GLT1D1: variants seen among roughly 807,000 people sequenced by gnomAD.
GLT1D1 encodes glycosyltransferase 1 domain-containing protein 1.
A neutral mutation model predicts 28.7 loss-of-function variants in GLT1D1; 21 were observed. The observed-to-expected ratio is 0.73, with a 90% confidence interval of 0.52 to 1.05. GLT1D1 has a LOEUF of 1.05. Among genes scored for constraint, GLT1D1 ranks in the 50% least tolerant of loss-of-function variants. GLT1D1 has a pLI of 0.00. For synonymous variants in GLT1D1, 147 were observed against 124.8 expected (o/e 1.18, Z -1.19); for missense variants, 343 against 330.6 (o/e 1.04, Z -0.29).
intron 6 of GLT1D1, among the ~76,000 whole-genome samples, chr12:128,955,715 T>C (rs1434055558): frequency 2.6e-5 from 4 of 152,088 alleles, no homozygotes; most frequent in Admixed American, 2.6e-4. Flanking sequence ...TTACATCCTA[T>C]TTCCAGCTGG....
At chr12:128,931,852 C>T (rs765843602) in intron 4 of GLT1D1, among the ~76,000 whole-genome samples, 1 of 151,856 alleles carries the variant, frequency 6.6e-6, no homozygotes, top group Non-Finnish European at 1.5e-5. Flanking sequence ...AGTGAAATGC[C>T]TTTAGTTTTA....
chr12:128,908,361 T>TTTTC (rs138746931), intron 4 of GLT1D1, among the ~76,000 whole-genome samples: 74,808 of 119,572 alleles, frequency 0.63, 20,847 homozygotes, highest in Admixed American at 0.75. Context: ...TCTTTCTTTC[T>TTTTC]TTTCTTTCTT....
intron 4 of GLT1D1, 139 bp from the exon 5 acceptor site, chr12:128,912,285 T>C (rs1871618775): frequency 2.0e-6 from 1 of 489,814 alleles, no homozygotes; most frequent in African/African-American, 1.9e-5. Flanking sequence ...AATAAGTCTA[T>C]GAGCAGCTGT....
rs983693067 is a variant in GLT1D1, at chr12:128,947,419, T to C, written c.501T>C (p.Asn167=). The change falls in exon 6 of 8, where the codon AAT becomes AAC. Residue 167 remains asparagine, a synonymous_variant. Coordinates refer to ENST00000281703, the MANE Select transcript of GLT1D1 (RefSeq NM_144669.3). ...TGAAGAATTGCTTCGCGGTGGTGAA[T>C]AGCTCTGTCTCTGAAGGCATGTCAG... 3 of 1,614,148 alleles carry C rather than the reference T, an allele frequency of 1.9e-6. No homozygotes were observed. The highest frequency in any genetic ancestry group is 1.7e-6 in the Non-Finnish European group (2 of 1,180,020).
At chr12:128,931,913 G>GCACATACA (rs139121648) in intron 4 of GLT1D1, among the ~76,000 whole-genome samples, 2 of 127,110 alleles carry the variant, frequency 1.6e-5, no homozygotes, top group South Asian at 4.5e-4. Context: ...GCACACACAC[G>GCACATACA]CACGCACACA....
intron 4 of GLT1D1, among the ~76,000 whole-genome samples, chr12:128,931,917 G>GCACGCGCACACACA (rs1368012620): frequency 4.7e-4 from 66 of 141,104 alleles, no homozygotes; most frequent in Middle Eastern, 3.8e-3. Flanking sequence ...ACACACGCAC[G>GCACGCGCACACACA]CACACACACA....
At chr12:128,931,506 C>T (rs1330377764) in intron 4 of GLT1D1, among the ~76,000 whole-genome samples, 1 of 151,868 alleles carries the variant, frequency 6.6e-6, no homozygotes, top group African/African-American at 2.4e-5. Context: ...GGGGGTTTCA[C>T]CATGTTGGCC....
intron 1 of GLT1D1, among the ~76,000 whole-genome samples, chr12:128,871,065 G>A (rs768435317): frequency 1.7e-4 from 26 of 152,076 alleles, no homozygotes; most frequent in African/African-American, 6.3e-4. Context: ...TGCATTCCAC[G>A]CACTCTGCTG....
At position 128,957,629 on chromosome 12, in the gene GLT1D1, T is replaced by C; in HGVS notation, c.625T>C (p.Phe209Leu). 1 of 1,611,224 alleles carries C rather than the reference T, an allele frequency of 6.2e-7. No homozygotes were observed. The highest frequency in any genetic ancestry group is 8.5e-7 in the Non-Finnish European group (1 of 1,177,466). ...GAAGCATGAAGTCACAGGGCTACTG[T>C]TTTCCAATCCTCAGGTAAAGAAAAG... Residue 209 changes from phenylalanine (F) to leucine (L), a missense_variant, in exon 7 of 8, where the codon TTT (phenylalanine) becomes CTT (leucine). Physicochemically the swap from Phe to Leu is conservative, Grantham distance 22. Transcript: ENST00000281703.
At chr12:128,961,861 C>G (rs1441615562) in intron 7 of GLT1D1, among the ~76,000 whole-genome samples, 3 of 152,306 alleles carry the variant, frequency 2.0e-5, no homozygotes, top group East Asian at 3.9e-4. Flanking sequence ...AATTAACCAT[C>G]GTAAAGACTA....
At chr12:128,853,743 C>T in intron 1 of GLT1D1, 94 bp downstream of exon 1, 4 of 829,478 alleles carry the variant, frequency 4.8e-6, no homozygotes, top group Non-Finnish European at 5.9e-6. Flanking sequence ...AGCCAGGCCC[C>T]CTCCAGCCGC....
chr12:128,890,479 G>T (rs143845696), intron 3 of GLT1D1, among the ~76,000 whole-genome samples: 16 of 152,176 alleles, frequency 1.1e-4, no homozygotes, highest in African/African-American at 2.9e-4. Flanking sequence ...ACAATAATAA[G>T]AATTAAAATA....
At chr12:128,936,809 T>C (rs766292738) in intron 4 of GLT1D1, among the ~76,000 whole-genome samples, 16 of 152,218 alleles carry the variant, frequency 1.1e-4, no homozygotes, top group Non-Finnish European at 2.1e-4. Flanking sequence ...AGAATTTTCA[T>C]TGTGGCTTGC....
rs964486340 is a variant in GLT1D1, at chr12:128,888,211, C to T, written c.218-428C>T. Among the ~76,000 whole-genome samples the T allele has an allele frequency of 3.9e-5, 6 of 152,112 alleles. 1 individual carries two copies. In the South Asian group the frequency reaches 1.0e-3, roughly 26 times the overall value. ...TCAAGGTTGTCTGTACCTCTCTCTC[C>T]CCTGTTGTTGTCCCAAGCTAGCACG... is the stretch of plus-strand genomic sequence containing the variant. On this transcript the variant is annotated intron_variant, in intron 2 of 7. Transcript: ENST00000281703.
chr12:128,890,727 G>A lies in GLT1D1; in HGVS notation c.323+1983G>A, dbSNP rs148831995. Among the ~76,000 whole-genome samples the A allele has an allele frequency of 1.5e-3, 233 of 152,046 alleles. 9 individuals carry two copies. In the East Asian group the frequency reaches 0.041, roughly 27 times the overall value. ...TTTAACCCAGGAGGTGGCCAGGTGC[G>A]GTGGCTCACACATGTAATCCCAGCA... On this transcript the variant is annotated intron_variant, in intron 3 of 7. Transcript: ENST00000281703.
At chr12:128,928,018 A>AAAC (rs1873446900) in intron 4 of GLT1D1, among the ~76,000 whole-genome samples, 1 of 150,024 alleles carries the variant, frequency 6.7e-6, no homozygotes, top group Non-Finnish European at 1.5e-5. Context: ...AAAAAAAAAA[A>AAAC]AAAAAAACAA....
intron 7 of GLT1D1, among the ~76,000 whole-genome samples, chr12:128,967,709 C>T (rs1358489528): frequency 2.6e-5 from 4 of 152,234 alleles, no homozygotes; most frequent in Admixed American, 1.3e-4. Flanking sequence ...CTTCGAGTTA[C>T]GTTCTACTTA....
chr12:128,917,419 G>A (rs991742912), intron 4 of GLT1D1, among the ~76,000 whole-genome samples: 3 of 152,104 alleles, frequency 2.0e-5, no homozygotes, highest in African/African-American at 7.2e-5. Context: ...GGGATTACAG[G>A]CACGCCCCAC....
intron 2 of GLT1D1, among the ~76,000 whole-genome samples, chr12:128,881,115 T>C (rs373259729): frequency 7.1e-6 from 1 of 141,248 alleles, no homozygotes. Flanking sequence ...TTCCAGCTAC[T>C]GGGGAGGTTG....
Sources: allele counts gnomAD v4.1 joint callset (sites outside exome capture counted in the v4.1 genomes callset), GRCh38; gene constraint gnomAD v4.1.1; transcripts MANE v1.5; gene names NCBI Gene and HGNC (gene_info 2026-07-23, HGNC 2026-07-21).